Variants in LIN7A observed in about 807,000 individuals in gnomAD.
LIN7A encodes lin-7 cell polarity scaffold A, also known as protein lin-7 homolog A.
A neutral mutation model predicts 29.8 loss-of-function variants in LIN7A; 25 were observed. That is an observed-to-expected ratio of 0.84 (90% CI 0.61 to 1.17). The LOEUF (loss-of-function observed/expected upper bound fraction) is 1.17, where lower values mean the gene tolerates loss of function less well. Among genes scored for constraint, LIN7A ranks in the 50% most tolerant of loss-of-function variants. The pLI is 0.00. For missense variants in LIN7A, 239 were observed against 287.0 expected, an observed-to-expected ratio of 0.83 and a Z score of 1.21; for synonymous variants, 118 against 107.5, an observed-to-expected ratio of 1.10 and a Z score of -0.60.
At chr12:80,840,394 C>A (rs972502108) in intron 4 of LIN7A, among the ~76,000 whole-genome samples, 11 of 152,164 alleles carry the variant, frequency 7.2e-5, no homozygotes, top group Non-Finnish European at 1.3e-4. Flanking sequence ...TCCACTTTCT[C>A]ACCTGCGTGC....
chr12:80,832,027 T>C (rs1757286194), intron 4 of LIN7A, among the ~76,000 whole-genome samples: 1 of 152,302 alleles, frequency 6.6e-6, no homozygotes, highest in South Asian at 2.1e-4. Context: ...CTGCAGGTTT[T>C]GGTTACAGAC....
At position 80,853,112 on chromosome 12, in the gene LIN7A, C is replaced by A. The variant is rs566685680; in HGVS notation, c.202-4790G>T. Among the ~76,000 whole-genome samples, 7 of 152,258 alleles carry A rather than the reference C, an allele frequency of 4.6e-5. No homozygotes were observed. In the South Asian group the frequency reaches 1.0e-3, roughly 23 times the overall value. On this transcript the variant is annotated intron_variant, in intron 2 of 5. Transcript: ENST00000552864. ...ATTTGTTATAACGAAGAAAAGCATT[C>A]TTGTTTAAGCCACTACAGCTGGACT...
intron 4 of LIN7A, 142 bp from the exon 5 acceptor site, chr12:80,811,825 G>A (rs552385314): frequency 3.9e-4 from 382 of 970,252 alleles, no homozygotes; most frequent in Non-Finnish European, 5.1e-4. Flanking sequence ...TACCATCATC[G>A]TTATTATTTA....
intron 2 of LIN7A, among the ~76,000 whole-genome samples, chr12:80,887,451 C>A (rs1875387434): frequency 6.6e-6 from 1 of 152,138 alleles, no homozygotes; most frequent in African/African-American, 2.4e-5. Flanking sequence ...ACATGGCCTG[C>A]CAGGCCTATG....
chr12:80,897,587 C>A (rs1875974366), intron 1 of LIN7A, among the ~76,000 whole-genome samples: 1 of 152,046 alleles, frequency 6.6e-6, no homozygotes, highest in South Asian at 2.1e-4. Flanking sequence ...GGGTGGATCA[C>A]TTGAGCCCAG....
chr12:80,854,854 C>A (rs1257963415), intron 2 of LIN7A, among the ~76,000 whole-genome samples: 1 of 152,054 alleles, frequency 6.6e-6, no homozygotes, highest in Non-Finnish European at 1.5e-5. Flanking sequence ...GAAACTTAAT[C>A]ATGATTTCAG....
intron 4 of LIN7A, among the ~76,000 whole-genome samples, chr12:80,816,169 G>T (rs7961338): frequency 5.9e-5 from 9 of 152,052 alleles, no homozygotes; most frequent in Admixed American, 1.3e-4. Context: ...GGGAGGCTGA[G>T]GCAGGAAGGA....
chr12:80,858,914 T>G (rs1873734140), intron 2 of LIN7A, among the ~76,000 whole-genome samples: 2 of 152,100 alleles, frequency 1.3e-5, no homozygotes, highest in African/African-American at 4.8e-5. Context: ...CAGGAACAAT[T>G]AGGGATACAT....
At chr12:80,837,521 A>C (rs890630606) in intron 4 of LIN7A, among the ~76,000 whole-genome samples, 4 of 152,134 alleles carry the variant, frequency 2.6e-5, no homozygotes, top group Non-Finnish European at 5.9e-5. Flanking sequence ...AGCTGAAGGG[A>C]GCAAGGAACA....
intron 1 of LIN7A, among the ~76,000 whole-genome samples, chr12:80,919,310 G>T (rs957444756): frequency 4.6e-5 from 7 of 152,158 alleles, no homozygotes; most frequent in Non-Finnish European, 1.0e-4. Context: ...GTAGTAAAAG[G>T]GTGTAAAACC....
rs1286428180 is a variant in LIN7A at position 80,882,393 on chromosome 12, TC to T, written c.201+6857del. On this transcript the variant is annotated intron_variant, in intron 2 of 5. Coordinates refer to ENST00000552864, the MANE Select transcript of LIN7A (RefSeq NM_004664.4). Reference sequence around the variant, plus strand: ...TCCGCCTCCCGGGTTCACGCCATTCTCCTGCCTCAGCCTCCCAAGTAGCTGG... The same window carrying T: ...TCCGCCTCCCGGGTTCACGCCATTCTCTGCCTCAGCCTCCCAAGTAGCTGG... 1.2e-3 allele frequency among the ~76,000 whole-genome samples: 168 copies of T among 142,436 alleles called. 1 individual carries two copies. Among genetic ancestry groups the T allele is most frequent in the African/African-American group, 4.1e-3 (164 of 40,100 alleles). 93.4% of individuals were successfully genotyped at this position (142,436 alleles called of 152,430 possible).
intron 2 of LIN7A, among the ~76,000 whole-genome samples, chr12:80,876,681 C>T (rs961284850): frequency 6.6e-6 from 1 of 152,100 alleles, no homozygotes; most frequent in Non-Finnish European, 1.5e-5. Flanking sequence ...CAATAAGACC[C>T]CATTGCATTG....
chr12:80,839,883 T>C (rs2121534183), intron 4 of LIN7A, among the ~76,000 whole-genome samples: 1 of 152,360 alleles, frequency 6.6e-6, no homozygotes, highest in Middle Eastern at 3.4e-3. Context: ...TAAAAATCAA[T>C]TAGCAATCTG....
chr12:80,897,454 G>A (rs1206770110), intron 1 of LIN7A, among the ~76,000 whole-genome samples: 1 of 152,120 alleles, frequency 6.6e-6, no homozygotes, highest in East Asian at 1.9e-4. Context: ...CTAAATACTA[G>A]AACACCTGTC....
intron 1 of LIN7A, among the ~76,000 whole-genome samples, chr12:80,927,155 CTTTTTT>C (rs929026269): frequency 4.0e-5 from 3 of 75,538 alleles, no homozygotes; most frequent in East Asian, 4.7e-4. Flanking sequence ...TTTTCTTTTT[CTTTTTT>C]TTTTTTTTTT....
chr12:80,840,091 CT>C (rs1311810737), intron 4 of LIN7A, among the ~76,000 whole-genome samples: 1 of 152,032 alleles, frequency 6.6e-6, no homozygotes, highest in Admixed American at 6.6e-5. Context: ...TGTTCCTCAC[CT>C]GCCTCTCTCC....
intron 4 of LIN7A, chr12:80,842,158 C>A (rs1324152346): frequency 7.8e-7 from 1 of 1,274,212 alleles, no homozygotes; most frequent in Admixed American, 2.4e-5. Context: ...TGTTCAATTG[C>A]TGTATTTTGT....
chr12:80,824,727 T>C (rs899652705), intron 4 of LIN7A, among the ~76,000 whole-genome samples: 3 of 152,200 alleles, frequency 2.0e-5, no homozygotes, highest in Non-Finnish European at 4.4e-5. Context: ...AGTCAATAAA[T>C]GTGCTACACC....
intron 4 of LIN7A, 39 bp downstream of exon 4, chr12:80,845,691 T>G: frequency 6.5e-7 from 1 of 1,529,334 alleles, no homozygotes; most frequent in Non-Finnish European, 8.9e-7. Context: ...AAAAAGAATG[T>G]GCTTAAGGAG....
Sources: gnomAD v4.1 joint callset for allele counts (sites outside exome capture counted in the v4.1 genomes callset) on GRCh38, gnomAD v4.1.1 for gene constraint, MANE v1.5 for transcripts, NCBI Gene and HGNC (gene_info 2026-07-23, HGNC 2026-07-21) for gene names.